The following FANCL variants were observed in gnomAD, a reference collection of about 807,000 sequenced individuals.
FANCL encodes E3 ubiquitin-protein ligase FANCL.
FANCL carries 69 observed loss-of-function variants against 59.4 expected under a neutral mutation model. The ratio of observed to expected loss-of-function variants is 1.16; its 90% CI spans 0.96 to 1.42. The LOEUF (loss-of-function observed/expected upper bound fraction) is 1.42. FANCL is among the 40% of genes most tolerant of loss of function. The pLI is 0.00. For synonymous variants in FANCL, 180 were observed against 147.1 expected (o/e 1.22, Z -1.62); for missense variants, 519 against 447.2 (o/e 1.16, Z -1.45).
At position 58,221,943 on chromosome 2, in the gene FANCL, T is replaced by C. The variant is rs764955577; in HGVS notation, c.373A>G (p.Lys125Glu). Residue 125 changes from lysine (K) to glutamate (E), a missense_variant and splice_region_variant, in exon 5 of 14, where the codon AAA (lysine) becomes GAA (glutamate). Physicochemically the swap from Lys to Glu is moderately conservative, Grantham distance 56. Transcript: ENST00000233741. Reference sequence around the variant, plus strand: ...AAACATATTTTAAAACAGACATACTTATCCCAACCAAGAGTTCCTATCTCT... The same window carrying C: ...AAACATATTTTAAAACAGACATACTCATCCCAACCAAGAGTTCCTATCTCT... The part of the protein sequence containing the change: ...IEEIGTLGWD[K>E]LVYADTCFST... 1 of 1,601,878 alleles carries C rather than the reference T, an allele frequency of 6.2e-7. No homozygotes were observed. The highest frequency in any genetic ancestry group is 8.6e-7 in the Non-Finnish European group (1 of 1,169,034).
chr2:58,176,261 C>G (rs1428035524), intron 7 of FANCL, among the ~76,000 whole-genome samples: 1 of 152,132 alleles, frequency 6.6e-6, no homozygotes, highest in African/African-American at 2.4e-5. Context: ...ACTTTCTTCA[C>G]AGAATTGGAA....
At chr2:58,207,573 C>T (rs1345716888) in intron 5 of FANCL, among the ~76,000 whole-genome samples, 2 of 152,136 alleles carry the variant, frequency 1.3e-5, no homozygotes, top group Non-Finnish European at 1.5e-5. Flanking sequence ...AAAATTCTAC[C>T]TTGTTTCAAC....
intron 5 of FANCL, among the ~76,000 whole-genome samples, chr2:58,215,855 A>C (rs1453119329): frequency 6.6e-6 from 1 of 151,888 alleles, no homozygotes; most frequent in African/African-American, 2.4e-5. Flanking sequence ...ATAAATCCTT[A>C]AACTGTAGGG....
chr2:58,229,772 C>G, intron 3 of FANCL, 42 bp downstream of exon 3: 1 of 1,400,334 alleles, frequency 7.1e-7, no homozygotes, highest in Non-Finnish European at 1.0e-6. Context: ...TTAGTAATTT[C>G]TTATCTTCAC....
At chr2:58,160,969 A>G (rs906727017) in intron 12 of FANCL, among the ~76,000 whole-genome samples, 4 of 152,014 alleles carry the variant, frequency 2.6e-5, no homozygotes, top group African/African-American at 4.8e-5. Flanking sequence ...GCCAGGCACT[A>G]AAGACAGGAA....
chr2:58,184,830 G>A (rs184819934), intron 7 of FANCL, among the ~76,000 whole-genome samples: 61 of 152,108 alleles, frequency 4.0e-4, no homozygotes, highest in African/African-American at 1.3e-3. Context: ...CCCCCAAAAC[G>A]GGAGGAAACA....
At chr2:58,238,396 T>C (rs550762243) in intron 1 of FANCL, among the ~76,000 whole-genome samples, 2 of 152,332 alleles carry the variant, frequency 1.3e-5, no homozygotes, top group East Asian at 1.9e-4. Flanking sequence ...ATAATTGTTT[T>C]TGTTTTAAGC....
rs575362230 is a variant in FANCL at position 58,203,129 on chromosome 2, T to A, written c.471+1001A>T. 4.5e-4 allele frequency among the ~76,000 whole-genome samples: 68 copies of A among 151,876 alleles called. 2 individuals are homozygous for A. The South Asian group carries it at 0.014, about 31-fold the overall frequency. On this transcript the variant is annotated intron_variant, in intron 6 of 13. Transcript: ENST00000233741. ...TATTTTACAAATAATGAGATTTCCATCCCACTAATTTTTTCCAAGACTTAT... is the reference window on the plus strand; with the variant it reads ...TATTTTACAAATAATGAGATTTCCAACCCACTAATTTTTTCCAAGACTTAT...
At chr2:58,194,066 T>G (rs1041700543) in intron 7 of FANCL, among the ~76,000 whole-genome samples, 12 of 152,134 alleles carry the variant, frequency 7.9e-5, no homozygotes, top group Non-Finnish European at 1.3e-4. Flanking sequence ...GGCTTTATCA[T>G]TAGTTTTGCT....
chr2:58,230,265 T>G (rs1249470002), intron 2 of FANCL, among the ~76,000 whole-genome samples: 1 of 152,212 alleles, frequency 6.6e-6, no homozygotes, highest in Non-Finnish European at 1.5e-5. Flanking sequence ...AATATTATCT[T>G]CAAATTCCCG....
At chr2:58,187,981 T>G (rs759352) in intron 7 of FANCL, among the ~76,000 whole-genome samples, 2,536 of 152,288 alleles carry the variant, frequency 0.017, 70 homozygotes, top group African/African-American at 0.059. Context: ...TTTGGTGTTA[T>G]ACTAAGAAAT....
intron 7 of FANCL, among the ~76,000 whole-genome samples, chr2:58,187,215 C>A (rs1688489355): frequency 6.6e-6 from 1 of 152,178 alleles, no homozygotes; most frequent in Admixed American, 6.5e-5. Flanking sequence ...CACATATACA[C>A]CATGGAATAC....
At chr2:58,200,882 G>T (rs1360809409) in intron 6 of FANCL, among the ~76,000 whole-genome samples, 2 of 151,296 alleles carry the variant, frequency 1.3e-5, no homozygotes, top group East Asian at 3.9e-4. Context: ...AAATTAGACT[G>T]ATCTTTATGC....
intron 5 of FANCL, among the ~76,000 whole-genome samples, chr2:58,218,133 G>A (rs115334425): frequency 0.033 from 4,978 of 151,900 alleles, 319 homozygotes; most frequent in African/African-American, 0.11. Context: ...GATAGTAATA[G>A]AAATATAACA....
In FANCL at chr2:58,163,479, G is replaced by T; in HGVS notation, c.730C>A (p.His244Asn). The T allele has an allele frequency of 6.2e-7, 1 of 1,609,922 alleles. No individual in the cohort carries two copies. ...VSINIEVDPR[H>N]PTMLPECFFL... Reference sequence around the variant, plus strand: ...AAGCACTCAGGAAGCATAGTAGGATGCCTGGGGTCTACCTCTATATTTATG... The same window carrying T: ...AAGCACTCAGGAAGCATAGTAGGATTCCTGGGGTCTACCTCTATATTTATG... Residue 244 changes from histidine (H) to asparagine (N), a missense_variant, in exon 9 of 14, where the codon CAT becomes AAT. Coordinates refer to ENST00000233741, the MANE Select transcript of FANCL (RefSeq NM_018062.4).
intron 5 of FANCL, among the ~76,000 whole-genome samples, chr2:58,221,304 T>G (rs1156343834): frequency 6.6e-6 from 1 of 152,146 alleles, no homozygotes; most frequent in African/African-American, 2.4e-5. Flanking sequence ...GTATCCACAC[T>G]AAGAAGGAAG....
intron 7 of FANCL, among the ~76,000 whole-genome samples, chr2:58,172,445 A>C (rs758639881): frequency 1.6e-4 from 24 of 152,176 alleles, no homozygotes; most frequent in Admixed American, 3.3e-4. Context: ...GTGGTTCAAG[A>C]AAATCTGCTG....
chr2:58,209,405 T>G (rs992339024), intron 5 of FANCL, among the ~76,000 whole-genome samples: 1 of 152,156 alleles, frequency 6.6e-6, no homozygotes, highest in African/African-American at 2.4e-5. Context: ...CTAGATAATT[T>G]GCAGTTATTC....
intron 4 of FANCL, among the ~76,000 whole-genome samples, chr2:58,223,463 G>A (rs1342176927): frequency 1.3e-5 from 2 of 151,868 alleles, no homozygotes; most frequent in African/African-American, 4.8e-5. Context: ...AAATAAACCT[G>A]GATAATAGTA....
Sources: gnomAD v4.1 joint callset for allele counts (sites outside exome capture counted in the v4.1 genomes callset) on GRCh38, gnomAD v4.1.1 for gene constraint, MANE v1.5 for transcripts, NCBI Gene and HGNC (gene_info 2026-07-23, HGNC 2026-07-21) for gene names.